The following TRIO variants were observed in gnomAD, a reference collection of about 807,000 sequenced individuals.
TRIO encodes triple functional domain protein.
In TRIO, 58 loss-of-function variants were observed where a neutral mutation model predicts 351.9. That is an observed-to-expected ratio of 0.16 (90% CI 0.13 to 0.21). The LOEUF is 0.21. TRIO is among the 10% of genes least tolerant of loss of function. The pLI, the probability that TRIO is intolerant of heterozygous loss-of-function variation, is 1.00. For missense variants in TRIO, 3,201 were observed against 4,027.8 expected (o/e 0.79, Z 5.56); for synonymous variants, 1,758 against 1,595.7 (o/e 1.10, Z -2.42).
At chr5:14,144,863 G>A (rs1325632657) in intron 1 of TRIO, among the ~76,000 whole-genome samples, 5 of 151,918 alleles carry the variant, frequency 3.3e-5, no homozygotes, top group Non-Finnish European at 1.5e-5. Context: ...GCCCAGTCCG[G>A]TCTGCTCGCG....
rs180894238 is a variant in TRIO, at chr5:14,164,271, G to T, written c.157+20389G>T. On this transcript the variant is annotated intron_variant, in intron 1 of 56. Transcript: ENST00000344204. ...AACAGTCTTATCAGAAGGGCTTAGA[G>T]CCATTACAGGAGTGAGGGAAATAGT... 3.4e-3 allele frequency among the ~76,000 whole-genome samples: 516 copies of T among 152,340 alleles called. 2 individuals are homozygous for T. Among genetic ancestry groups the T allele is most frequent in the Non-Finnish European group, 5.7e-3 (389 of 68,038 alleles).
At chr5:14,316,875 G>T in intron 9 of TRIO, 132 bp downstream of exon 9, 6 of 1,058,422 alleles carry the variant, frequency 5.7e-6, no homozygotes, top group Non-Finnish European at 8.1e-6. Flanking sequence ...CTTTTTTGTT[G>T]AATGTAAGTG....
rs149001403 is a variant in TRIO at position 14,475,240 on chromosome 5, G to A, written c.6083+1143G>A. On this transcript the variant is annotated intron_variant, in intron 40 of 56. Coordinates refer to ENST00000344204, the MANE Select transcript of TRIO (RefSeq NM_007118.4). ...ATGTTCCAGATGCACTGTCTGCTCCGGTTACCTGGCCGGGCCTTCTGCTCT... is the reference window on the plus strand; with the variant it reads ...ATGTTCCAGATGCACTGTCTGCTCCAGTTACCTGGCCGGGCCTTCTGCTCT... 1.4e-4 allele frequency among the ~76,000 whole-genome samples: 22 copies of A among 152,224 alleles called. No individual in the cohort carries two copies. The East Asian group carries it at 2.3e-3, about 16-fold the overall frequency.
At chr5:14,174,812 C>T (rs534952880) in intron 1 of TRIO, among the ~76,000 whole-genome samples, 156 of 152,228 alleles carry the variant, frequency 1.0e-3, no homozygotes, top group African/African-American at 2.9e-3. Flanking sequence ...TCTTTATTTT[C>T]GTGGATCTCA....
intron 1 of TRIO, among the ~76,000 whole-genome samples, chr5:14,247,704 A>G (rs1026038043): frequency 2.6e-5 from 4 of 152,224 alleles, no homozygotes; most frequent in South Asian, 2.1e-4. Context: ...TATTTTGACA[A>G]TAAAGTTGAT....
intron 2 of TRIO, among the ~76,000 whole-genome samples, chr5:14,279,011 G>C (rs1339648000): frequency 6.6e-6 from 1 of 152,120 alleles, no homozygotes; most frequent in Non-Finnish European, 1.5e-5. Context: ...TATAAGACTG[G>C]AATGATAAAA....
At chr5:14,495,658 GAAAAAAAAA>G (rs56018324) in intron 49 of TRIO, among the ~76,000 whole-genome samples, 57 of 32,596 alleles carry the variant, frequency 1.7e-3, no homozygotes, top group Admixed American at 2.5e-3. Context: ...GTCTCTACTA[GAAAAAAAAA>G]AAAAAAAAAA....
At chr5:14,455,949 C>T (rs1014320986) in intron 34 of TRIO, among the ~76,000 whole-genome samples, 19 of 152,228 alleles carry the variant, frequency 1.2e-4, no homozygotes, top group African/African-American at 2.2e-4. Context: ...GCTCAGGCTG[C>T]GTGGGAGCCC....
chr5:14,270,751 T>C lies in TRIO; in HGVS notation c.158-74T>C, dbSNP rs1795932208. ...TGTGGATAAAGCTGCTGTGTTGGCA[T>C]TGGATAGAATGGTTAAGGAATTAAC... On this transcript the variant is annotated intron_variant, in intron 1 of 56. Transcript: ENST00000344204. 4.3e-6 allele frequency: 5 copies of C among 1,162,186 alleles called. No homozygotes were observed. In the East Asian group the frequency reaches 7.1e-5, roughly 16 times the overall value. 72.0% of individuals were successfully genotyped at this position (1,162,186 alleles called of 1,614,324 possible).
At chr5:14,365,523 C>G (rs1038465698) in intron 15 of TRIO, among the ~76,000 whole-genome samples, 5 of 152,128 alleles carry the variant, frequency 3.3e-5, no homozygotes. Flanking sequence ...GAAAAGAGCA[C>G]CTTTCAGTCT....
At chr5:14,275,866 G>GTGTGTA (rs144655462) in intron 2 of TRIO, among the ~76,000 whole-genome samples, 86 of 143,940 alleles carry the variant, frequency 6.0e-4, no homozygotes, top group African/African-American at 2.1e-3. Context: ...CTCTATGTGT[G>GTGTGTA]TATATATATA....
chr5:14,447,106 C>T (rs759861794), intron 34 of TRIO, among the ~76,000 whole-genome samples: 2 of 152,134 alleles, frequency 1.3e-5, no homozygotes, highest in African/African-American at 4.8e-5. Context: ...GTGGCGGGCA[C>T]CTATAATTCC....
intron 1 of TRIO, among the ~76,000 whole-genome samples, chr5:14,232,257 C>T (rs547873643): frequency 1.3e-5 from 2 of 152,294 alleles, no homozygotes; most frequent in South Asian, 4.1e-4. Context: ...GGCATGCCCT[C>T]CTGCCATAGC....
intron 19 of TRIO, among the ~76,000 whole-genome samples, chr5:14,375,015 A>G (rs1310768255): frequency 6.6e-6 from 1 of 151,814 alleles, no homozygotes; most frequent in East Asian, 1.9e-4. Flanking sequence ...AAATTGTGAT[A>G]ATCAGTTAGC....
In TRIO at chr5:14,508,054, T is replaced by G; in HGVS notation, c.8926T>G (p.Trp2976Gly). 6.2e-7 allele frequency: 1 copy of G among 1,614,162 alleles called. No individual in the cohort carries two copies. The highest frequency in any genetic ancestry group is 8.5e-7 in the Non-Finnish European group (1 of 1,180,022). The change falls in exon 57 of 57, where the codon TGG (tryptophan) becomes GGG (glycine). Residue 2976 changes from tryptophan (W) to glycine (G), a missense_variant. By Grantham distance (184) the Trp-to-Gly change is radical (BLOSUM62 -2). This residue lies in a region of TRIO where 233 missense variants were observed against 292.6 expected (regional missense o/e 0.80). Transcript: ENST00000344204. ...CCCTGTCTCCCTGACCTCGGATACG[T>G]GGAGTGTTGGAGTGCTCACATACGT... ...GNPVSLTSDTWSVGVLTYVLL... is the reference protein window; with the variant it reads ...GNPVSLTSDTGSVGVLTYVLL...
Position 14,286,554 on chromosome 5 carries a change from T to C in TRIO, c.348-317T>C, listed in dbSNP as rs1736459701. Among the ~76,000 whole-genome samples, 1 of 152,142 alleles carries C rather than the reference T, an allele frequency of 6.6e-6. No individual in the cohort carries two copies. The highest frequency in any genetic ancestry group is 1.5e-5 in the Non-Finnish European group (1 of 68,016). On this transcript the variant is annotated intron_variant, in intron 3 of 56. Transcript: ENST00000344204. The surrounding 1 kb of genome is among the most constrained non-coding windows in gnomAD (Gnocchi z 4.4). ...GACTGGAGGAGTTCATGTAATCAATTAATGCACCAAAGTCAGGAGAAATGG... is the reference window on the plus strand; with the variant it reads ...GACTGGAGGAGTTCATGTAATCAATCAATGCACCAAAGTCAGGAGAAATGG...
intron 1 of TRIO, among the ~76,000 whole-genome samples, chr5:14,167,119 A>T (rs1392767541): frequency 2.0e-5 from 3 of 150,900 alleles, no homozygotes; most frequent in South Asian, 2.1e-4. Context: ...GTGAAGAAGC[A>T]TCCATTATCA....
At chr5:14,172,661 C>A (rs1009014448) in intron 1 of TRIO, among the ~76,000 whole-genome samples, 1 of 152,186 alleles carries the variant, frequency 6.6e-6, no homozygotes, top group Admixed American at 6.5e-5. Flanking sequence ...AGAGGTGGAG[C>A]CTTCGTGGCA....
At chr5:14,146,107 C>T (rs1483884685) in intron 1 of TRIO, among the ~76,000 whole-genome samples, 1 of 152,022 alleles carries the variant, frequency 6.6e-6, no homozygotes, top group East Asian at 1.9e-4. Flanking sequence ...GAGTCCCTGA[C>T]CTAGATCTTG....
Sources: allele counts gnomAD v4.1 joint callset (sites outside exome capture counted in the v4.1 genomes callset), GRCh38; gene constraint gnomAD v4.1.1; regional missense constraint gnomAD v4.1.1; non-coding constraint Gnocchi (gnomAD v3.1); transcripts MANE v1.5; gene names NCBI Gene and HGNC (gene_info 2026-07-23, HGNC 2026-07-21).